The following ZBTB34 variants were observed in gnomAD, a reference collection of about 807,000 sequenced individuals.
ZBTB34 encodes zinc finger and BTB domain-containing protein 34.
ZBTB34 carries 1 observed loss-of-function variant against 33.4 expected under a neutral mutation model. That is an observed-to-expected ratio of 0.03 (90% CI 0.01 to 0.14). The LOEUF (loss-of-function observed/expected upper bound fraction) is 0.14. Ranked by LOEUF, ZBTB34 falls within the 10% of genes least tolerant of loss-of-function variation. The pLI is 1.00. For synonymous variants in ZBTB34, 283 were observed against 253.5 expected (o/e 1.12, Z -1.11); for missense variants, 406 against 657.2 (o/e 0.62, Z 4.18).
intron 1 of ZBTB34, 44 bp downstream of exon 1, chr9:126,860,783 G>GGGCGCGGCA (rs1554746345): frequency 6.8e-6 from 1 of 146,880 alleles, no homozygotes; most frequent in African/African-American, 2.5e-5. Flanking sequence ...GGCTAGGCGC[G>GGGCGCGGCA]GGCGGGGCAG....
intron 1 of ZBTB34, among the ~76,000 whole-genome samples, chr9:126,872,098 T>C (rs1976329): frequency 0.98 from 149,346 of 152,196 alleles, 73,280 homozygotes; most frequent in East Asian, 1. Context: ...AGACGCCTGC[T>C]ACCATGCCCG....
intron 1 of ZBTB34, among the ~76,000 whole-genome samples, chr9:126,867,622 G>A (rs1317775337): frequency 6.6e-6 from 1 of 151,594 alleles, no homozygotes; most frequent in Admixed American, 6.6e-5. Flanking sequence ...TTGGCGAAAA[G>A]GGGTATTTTT....
At chr9:126,863,558 A>G (rs542458252) in intron 1 of ZBTB34, 33 of 287,646 alleles carry the variant, frequency 1.1e-4, no homozygotes, top group African/African-American at 3.9e-4. Context: ...ATGTTTTTCA[A>G]ACTTCTTAAT....
intron 1 of ZBTB34, among the ~76,000 whole-genome samples, chr9:126,873,809 C>T (rs1173548849): frequency 9.3e-5 from 14 of 150,696 alleles, no homozygotes; most frequent in African/African-American, 2.9e-4. Flanking sequence ...TGCACCAGGT[C>T]GATCAGGCTG....
exon 2 of ZBTB34, chr9:126,881,270 A>G (rs1470949011): frequency 5.2e-6 from 1 of 191,710 alleles, no homozygotes; most frequent in Non-Finnish European, 1.2e-5. Context: ...GCAGCAGTGC[A>G]CTTCCACGGA....
At chr9:126,882,079 C>T (rs1228577797) in exon 2 of ZBTB34, 3 of 166,940 alleles carry the variant, frequency 1.8e-5, no homozygotes, top group Non-Finnish European at 2.9e-5. Context: ...TAAAGCTATA[C>T]TCTATGGGAA....
At chr9:126,861,743 A>AT (rs2033145916) in intron 1 of ZBTB34, among the ~76,000 whole-genome samples, 1 of 152,092 alleles carries the variant, frequency 6.6e-6, no homozygotes, top group Non-Finnish European at 1.5e-5. Context: ...TGCATGCAGA[A>AT]TTTTTTGTTG....
chr9:126,880,063 G>A lies in ZBTB34; in HGVS notation c.664G>A (p.Asp222Asn). The change falls in exon 2 of 2, where the codon GAC becomes AAC. Residue 222 changes from aspartate to asparagine, a missense_variant. Transcript: ENST00000319119. This position sits in a 1 kb window ranked among gnomAD's most constrained non-coding sequence, Gnocchi z 6.7. ...TGAATATGAGATTCAGATAGAGGGA[G>A]ACCATGAGCAAGGAGACCTATTGGT... 6.2e-7 allele frequency: 1 copy of A among 1,613,734 alleles called. No individual in the cohort carries two copies. Among genetic ancestry groups the A allele is most frequent in the Middle Eastern group, 1.6e-4 (1 of 6,062 alleles).
At chr9:126,871,205 G>A (rs939847742) in intron 1 of ZBTB34, among the ~76,000 whole-genome samples, 2 of 149,988 alleles carry the variant, frequency 1.3e-5, no homozygotes, top group Non-Finnish European at 2.9e-5. Flanking sequence ...GTGTGTGTGT[G>A]TGTGTGTGTG....
At chr9:126,877,754 C>T (rs568178649) in intron 1 of ZBTB34, among the ~76,000 whole-genome samples, 1 of 152,344 alleles carries the variant, frequency 6.6e-6, no homozygotes, top group East Asian at 1.9e-4. Context: ...CCTGTTATCT[C>T]AGCACTTTGG....
At chr9:126,868,535 TCCACAGCGTGTGTTCATTTCTC>T (rs2033238297) in intron 1 of ZBTB34, among the ~76,000 whole-genome samples, 1 of 152,130 alleles carries the variant, frequency 6.6e-6, no homozygotes, top group Non-Finnish European at 1.5e-5. Flanking sequence ...CGGCCATCAC[TCCACAGCGTGTGTTCATTTCTC>T]CCAAAGCTGC....
Position 126,879,462 on chromosome 9 carries a change from C to T in ZBTB34, c.63C>T (p.Thr21=), listed in dbSNP as rs200754176. 13 of 1,613,766 alleles carry T rather than the reference C, an allele frequency of 8.1e-6. No individual in the cohort carries two copies. Among genetic ancestry groups the T allele is most frequent in the Middle Eastern group, 1.6e-4 (1 of 6,084 alleles). The stretch of plus-strand genomic sequence containing the variant: ...TTGATGTGCCCGAGTACAGCAGCAC[C>T]GTTCTGAGCCAGCTAAACGAACTCC... The change falls in exon 2 of 2, where the codon ACC becomes ACT. Residue 21 remains threonine, a synonymous_variant. Transcript: ENST00000319119. This position sits in a 1 kb window ranked among gnomAD's most constrained non-coding sequence, Gnocchi z 6.4.
In ZBTB34 at chr9:126,880,499, G is replaced by T; in HGVS notation, c.1100G>T (p.Gly367Val). The T allele has an allele frequency of 6.2e-7, 1 of 1,613,812 alleles. No individual in the cohort carries two copies. The highest frequency in any genetic ancestry group is 1.1e-5 in the South Asian group (1 of 91,078). The change falls in exon 2 of 2, where the codon GGG becomes GTG. Residue 367 changes from glycine to valine, a missense_variant. By Grantham distance (109) the Gly-to-Val change is moderately radical (BLOSUM62 -3). Around this residue, in one of 6 missense-constraint regions of ZBTB34, gnomAD observed 123 missense variants for 140.4 expected, o/e 0.88. Coordinates refer to ENST00000319119, the Ensembl canonical transcript of ZBTB34. The surrounding 1 kb of genome is among the most constrained non-coding windows in gnomAD (Gnocchi z 6.7). Reference sequence around the variant, plus strand: ...AGTCCCCGGGAGAGGAGTGCGAGAGGGCATTGGTACCCGTACAATGAGAGG... The same window carrying T: ...AGTCCCCGGGAGAGGAGTGCGAGAGTGCATTGGTACCCGTACAATGAGAGG...
At chr9:126,878,417 C>T (rs2033390005) in intron 1 of ZBTB34, among the ~76,000 whole-genome samples, 1 of 151,780 alleles carries the variant, frequency 6.6e-6, no homozygotes, top group African/African-American at 2.4e-5. Flanking sequence ...TTTCAGTGAG[C>T]CGAGATCACG....
intron 1 of ZBTB34, among the ~76,000 whole-genome samples, chr9:126,876,326 A>T (rs1047112232): frequency 7.1e-6 from 1 of 140,836 alleles, no homozygotes; most frequent in African/African-American, 2.7e-5. Flanking sequence ...ACTTTATTGT[A>T]TTAAGAAAGT....
intron 1 of ZBTB34, among the ~76,000 whole-genome samples, chr9:126,875,648 A>G (rs1044016121): frequency 6.6e-6 from 1 of 152,014 alleles, no homozygotes. Context: ...TTTATGTATA[A>G]TTTTTTGAAA....
At chr9:126,861,946 C>G (rs1273963425) in intron 1 of ZBTB34, among the ~76,000 whole-genome samples, 1 of 152,152 alleles carries the variant, frequency 6.6e-6, no homozygotes, top group Non-Finnish European at 1.5e-5. Context: ...TATTAAATGG[C>G]AAGATGCTGT....
chr9:126,877,457 G>A (rs912718477), intron 1 of ZBTB34, among the ~76,000 whole-genome samples: 7 of 152,070 alleles, frequency 4.6e-5, no homozygotes, highest in African/African-American at 1.4e-4. Context: ...TAATACTTAG[G>A]AGGTGTTTAC....
chr9:126,879,788 A>G lies in ZBTB34; in HGVS notation c.389A>G (p.His130Arg). ...TGCACGCAGATCCTAGAGAGCATCC[A>G]TTCCAAAATCAGCGTTGGAGATGTT... The change falls in exon 2 of 2, where the codon CAT becomes CGT. Residue 130 changes from histidine to arginine, a missense_variant. Physicochemically the swap from His to Arg is conservative, Grantham distance 29. This residue lies in a region of ZBTB34 where 137 missense variants were observed against 173.0 expected (regional missense o/e 0.79). Transcript: ENST00000319119. The surrounding 1 kb of genome is among the most constrained non-coding windows in gnomAD (Gnocchi z 6.4). The G allele has an allele frequency of 6.2e-7, 1 of 1,613,444 alleles. No individual in the cohort carries two copies. Among genetic ancestry groups the G allele is most frequent in the Non-Finnish European group, 8.5e-7 (1 of 1,179,896 alleles).
Sources: allele counts gnomAD v4.1 joint callset (sites outside exome capture counted in the v4.1 genomes callset), GRCh38; gene constraint gnomAD v4.1.1; regional missense constraint gnomAD v4.1.1; non-coding constraint Gnocchi (gnomAD v3.1); transcripts MANE v1.5; gene names NCBI Gene and HGNC (gene_info 2026-07-23, HGNC 2026-07-21).